Variants in BMP7 observed in about 807,000 individuals in gnomAD.
BMP7 encodes the protein bone morphogenetic protein 7.
A neutral mutation model predicts 41.2 loss-of-function variants in BMP7; 12 were observed. That is an observed-to-expected ratio of 0.29 (90% confidence interval 0.19 to 0.47). The LOEUF is 0.47. Among genes scored for constraint, BMP7 ranks in the 20% least tolerant of loss-of-function variants. BMP7 has a pLI of 0.99. For synonymous variants in BMP7, 248 were observed against 250.0 expected (o/e 0.99, Z 0.07); for missense variants, 467 against 606.0 (o/e 0.77, Z 2.41).
chr20:57,189,470 T>G (rs1043851914), intron 3 of BMP7, among the ~76,000 whole-genome samples: 3 of 152,268 alleles, frequency 2.0e-5, no homozygotes, highest in Non-Finnish European at 4.4e-5. Flanking sequence ...AGGGCCCTTC[T>G]AAGTTCACCC....
intron 1 of BMP7, among the ~76,000 whole-genome samples, chr20:57,255,213 C>T (rs532853824): frequency 6.0e-4 from 92 of 152,348 alleles, no homozygotes; most frequent in African/African-American, 2.0e-3. Context: ...CAGCTCTGCA[C>T]CCAGCAAGAG....
intron 1 of BMP7, among the ~76,000 whole-genome samples, chr20:57,257,099 C>T (rs111503803): frequency 2.0e-5 from 3 of 152,254 alleles, no homozygotes; most frequent in African/African-American, 7.2e-5. Context: ...GACTCTGCTG[C>T]CACCAATGTG....
intron 3 of BMP7, among the ~76,000 whole-genome samples, chr20:57,195,603 C>T (rs531956191): frequency 6.6e-6 from 1 of 152,380 alleles, no homozygotes; most frequent in African/African-American, 2.4e-5. Flanking sequence ...GCGCCGTGGG[C>T]GGCATCGCTC....
chr20:57,180,523 GGTCTGTTACTAT>G (rs1447568047), intron 4 of BMP7, among the ~76,000 whole-genome samples: 4 of 152,054 alleles, frequency 2.6e-5, no homozygotes, highest in Non-Finnish European at 5.9e-5. Flanking sequence ...CCTGACTCTG[GGTCTGTTACTAT>G]GTATGGATGT....
At chr20:57,257,120 C>T (rs920492762) in intron 1 of BMP7, among the ~76,000 whole-genome samples, 2 of 152,146 alleles carry the variant, frequency 1.3e-5, no homozygotes, top group Admixed American at 6.5e-5. Context: ...CAGAACTCCA[C>T]GCCTCCACCC....
At chr20:57,249,540 CT>C (rs2066104099) in intron 1 of BMP7, among the ~76,000 whole-genome samples, 1 of 152,134 alleles carries the variant, frequency 6.6e-6, no homozygotes, top group South Asian at 2.1e-4. Context: ...CTGCATCGCA[CT>C]TTTTCAAATG....
At position 57,170,068 on chromosome 20, in the gene BMP7, C is replaced by T. The variant is rs1346161351; in HGVS notation, c.*891G>A. The T allele has an allele frequency of 6.6e-6, 1 of 152,184 alleles. No individual in the cohort carries two copies. The highest frequency in any genetic ancestry group is 6.6e-5 in the Admixed American group (1 of 15,266). 9.4% of individuals were successfully genotyped at this position (152,184 alleles called of 1,614,324 possible). A position where few individuals can be genotyped will look rare whatever the true frequency, so the allele number is the denominator to read the frequency against. On this transcript the variant is annotated 3_prime_UTR_variant, in exon 7 of 7. Transcript: ENST00000395863. ...TACTGTGCCCGGCCCATTGGTGCTT[C>T]TTAACAACAGGGTTGAGTTGCAAGT...
Position 57,215,961 on chromosome 20 carries a change from G to A in BMP7, c.611+12268C>T, listed in dbSNP as rs1426354330. ...GATTCCAAACCCAGAGACAGAAAAA[G>A]TGCAGCAAAGCAGGGCGACAAGGGG... is the stretch of plus-strand genomic sequence containing the variant. On this transcript the variant is annotated intron_variant, in intron 2 of 6. Transcript: ENST00000395863. The surrounding 1 kb of genome is among the most constrained non-coding windows in gnomAD (Gnocchi z 4.2). 1 of 151,428 alleles carries A rather than the reference G, an allele frequency of 6.6e-6. No individual in the cohort carries two copies. Among genetic ancestry groups the A allele is most frequent in the Non-Finnish European group, 1.5e-5 (1 of 67,952 alleles). 9.4% of individuals were successfully genotyped at this position (151,428 alleles called of 1,614,324 possible). A position where few individuals can be genotyped will look rare whatever the true frequency, so the allele number is the denominator to read the frequency against.
At chr20:57,197,832 C>A (rs979874523) in intron 3 of BMP7, among the ~76,000 whole-genome samples, 3 of 152,220 alleles carry the variant, frequency 2.0e-5, no homozygotes, top group Non-Finnish European at 4.4e-5. Flanking sequence ...GTTGGAGTAG[C>A]TGCTGAGACC....
intron 2 of BMP7, 83 bp from the exon 3 acceptor site, chr20:57,202,706 A>AC: frequency 2.0e-6 from 1 of 510,662 alleles, no homozygotes; most frequent in Non-Finnish European, 3.8e-6. Context: ...GCAGAGCCTC[A>AC]TGGGGTGGGA....
chr20:57,207,395 A>G lies in BMP7; in HGVS notation c.612-4772T>C, dbSNP rs535721231. ...CATCAGTGACTACAGCAGATACCAG[A>G]AAGAGTAGAAGAACCACCCAGCTAA... On this transcript the variant is annotated intron_variant, in intron 2 of 6. Coordinates refer to ENST00000395863, the MANE Select transcript of BMP7 (RefSeq NM_001719.3). Among the ~76,000 whole-genome samples, 20 of 152,346 alleles carry G rather than the reference A, an allele frequency of 1.3e-4. No individual in the cohort carries two copies. In the South Asian group the frequency reaches 3.3e-3, roughly 25 times the overall value.
In BMP7 at chr20:57,170,977, C is replaced by T; in HGVS notation, c.1278G>A (p.Arg426=). ...ILKKYRNMVV[R]ACGCH Reference sequence around the variant, plus strand: ...GGAGGAGCTAGTGGCAGCCACAGGCCCGGACCACCATGTTTCTGTATTTCT... The same window carrying T: ...GGAGGAGCTAGTGGCAGCCACAGGCTCGGACCACCATGTTTCTGTATTTCT... Residue 426 remains arginine (R), a synonymous_variant, in exon 7 of 7, where the codon CGG becomes CGA. Transcript: ENST00000395863. 1 of 1,613,656 alleles carries T rather than the reference C, an allele frequency of 6.2e-7. No homozygotes were observed.
chr20:57,189,438 G>A (rs914888802), intron 3 of BMP7, among the ~76,000 whole-genome samples: 1 of 152,210 alleles, frequency 6.6e-6, no homozygotes, highest in Non-Finnish European at 1.5e-5. Flanking sequence ...CAAGGTGGGG[G>A]CAGCAGAAGC....
intron 1 of BMP7, among the ~76,000 whole-genome samples, chr20:57,252,125 C>T (rs974295409): frequency 6.6e-6 from 1 of 151,686 alleles, no homozygotes; most frequent in Non-Finnish European, 1.5e-5. Flanking sequence ...GTAAAGCAGT[C>T]AGAGTGAATG....
At chr20:57,260,214 G>A (rs998546499) in intron 1 of BMP7, among the ~76,000 whole-genome samples, 1 of 152,186 alleles carries the variant, frequency 6.6e-6, no homozygotes, top group Admixed American at 6.5e-5. Flanking sequence ...TCGCAATTTT[G>A]TAAGAATGCT....
intron 2 of BMP7, among the ~76,000 whole-genome samples, chr20:57,208,117 C>A (rs1984786114): frequency 6.6e-6 from 1 of 152,218 alleles, no homozygotes; most frequent in African/African-American, 2.4e-5. Flanking sequence ...GCGTGAGCCA[C>A]CGCACCCGGC....
At chr20:57,198,871 G>T (rs1984561525) in intron 3 of BMP7, among the ~76,000 whole-genome samples, 1 of 152,194 alleles carries the variant, frequency 6.6e-6, no homozygotes, top group East Asian at 1.9e-4. Flanking sequence ...TCCTCCACAT[G>T]CCCATTGTGT....
chr20:57,198,376 C>T (rs888492978), intron 3 of BMP7, among the ~76,000 whole-genome samples: 1 of 152,154 alleles, frequency 6.6e-6, no homozygotes, highest in Non-Finnish European at 1.5e-5. Flanking sequence ...GGGGCTGGAA[C>T]AAGTGGAGAG....
chr20:57,219,957 CA>C (rs1402855982), intron 2 of BMP7, among the ~76,000 whole-genome samples: 1 of 152,190 alleles, frequency 6.6e-6, no homozygotes, highest in Non-Finnish European at 1.5e-5. Flanking sequence ...ACTCAACTGG[CA>C]GTGGCTGCCT....
Sources: allele counts gnomAD v4.1 joint callset (sites outside exome capture counted in the v4.1 genomes callset), GRCh38; gene constraint gnomAD v4.1.1; non-coding constraint Gnocchi (gnomAD v3.1); transcripts MANE v1.5; gene names NCBI Gene and HGNC (gene_info 2026-07-23, HGNC 2026-07-21).